CACNA1B: variants seen among roughly 807,000 people sequenced by gnomAD.
CACNA1B encodes the protein voltage-dependent N-type calcium channel subunit alpha-1B.
In CACNA1B, 70 loss-of-function variants were observed where a neutral mutation model predicts 247.2. The ratio of observed to expected loss-of-function variants is 0.28; its 90% confidence interval spans 0.23 to 0.35. CACNA1B has a LOEUF of 0.35. Ranked by LOEUF, CACNA1B falls within the 10% of genes least tolerant of loss-of-function variation. The pLI is 1.00. For missense variants in CACNA1B, 2,367 were observed against 3,197.4 expected, an observed-to-expected ratio of 0.74 and a Z score of 6.26; for synonymous variants, 1,231 against 1,294.4, an observed-to-expected ratio of 0.95 and a Z score of 1.05.
At chr9:137,964,661 G>A (rs1309737050) in intron 10 of CACNA1B, among the ~76,000 whole-genome samples, 14 of 152,150 alleles carry the variant, frequency 9.2e-5, no homozygotes, top group South Asian at 2.1e-4. Context: ...CATAAGTGAA[G>A]TTCATTATTA....
In CACNA1B at chr9:138,013,222, A is replaced by G. The variant is rs561098435; in HGVS notation, c.2254A>G (p.Ile752Val). ...AEVSPMSAAN[I>V]SIAARQQNSA... ...AGTCAGCCCCATGTCTGCCGCGAAC[A>G]TCTCCATCGCCGCGTAAGGCTCCTA... Residue 752 changes from isoleucine (I) to valine (V), a missense_variant, in exon 18 of 47, where the codon ATC becomes GTC. Coordinates refer to ENST00000371372, the MANE Select transcript of CACNA1B (RefSeq NM_000718.4). 69 of 1,598,442 alleles carry G rather than the reference A, an allele frequency of 4.3e-5. 1 individual carries two copies. The highest frequency in any genetic ancestry group is 3.4e-4 in the Middle Eastern group (2 of 5,872).
intron 6 of CACNA1B, among the ~76,000 whole-genome samples, chr9:137,939,467 T>C (rs903422439): frequency 7.9e-5 from 12 of 152,166 alleles, no homozygotes; most frequent in Middle Eastern, 6.8e-3. Context: ...TGAATGATCA[T>C]TGGGTCAAAA....
At chr9:138,013,997 C>T (rs1238869150) in intron 18 of CACNA1B, among the ~76,000 whole-genome samples, 3 of 152,402 alleles carry the variant, frequency 2.0e-5, no homozygotes, top group East Asian at 3.9e-4. Context: ...CCACACCTCC[C>T]ATTCCCCATG....
At chr9:138,117,916 A>G (rs376071032) in intron 42 of CACNA1B, 30 bp from the exon 43 acceptor site, 3 of 1,534,054 alleles carry the variant, frequency 2.0e-6, no homozygotes, top group African/African-American at 1.4e-5. Flanking sequence ...CTCTGACCCT[A>G]CAGGAATCTG....
chr9:138,055,600 G>A (rs570223863), intron 26 of CACNA1B, among the ~76,000 whole-genome samples: 1 of 152,282 alleles, frequency 6.6e-6, no homozygotes, highest in East Asian at 1.9e-4. Flanking sequence ...TTACTTGGAA[G>A]TTGATTTTTA....
intron 5 of CACNA1B, among the ~76,000 whole-genome samples, chr9:137,916,578 C>T (rs1004766727): frequency 1.3e-5 from 2 of 152,202 alleles, no homozygotes; most frequent in African/African-American, 4.8e-5. Context: ...GGTACATGTT[C>T]GGTTGGTTCC....
chr9:137,943,455 G>A (rs1336028087), intron 6 of CACNA1B, among the ~76,000 whole-genome samples: 1 of 152,032 alleles, frequency 6.6e-6, no homozygotes, highest in Non-Finnish European at 1.5e-5. Context: ...AGGCTTTGAG[G>A]TAACCCAAAC....
chr9:138,016,623 G>A (rs1009728960), intron 18 of CACNA1B, among the ~76,000 whole-genome samples: 7 of 152,162 alleles, frequency 4.6e-5, no homozygotes, highest in African/African-American at 1.7e-4. Flanking sequence ...CGCCTCCTTT[G>A]TTAGCCTACG....
chr9:137,951,275 T>C (rs547648342), intron 6 of CACNA1B, among the ~76,000 whole-genome samples: 1 of 152,216 alleles, frequency 6.6e-6, no homozygotes, highest in Non-Finnish European at 1.5e-5. Context: ...CTGGAATCAG[T>C]GTCCAAGGGT....
In CACNA1B at chr9:138,046,926, A is replaced by C. The variant is rs928985388; in HGVS notation, c.3436A>C (p.Ile1146Leu). Residue 1146 changes from isoleucine (I) to leucine (L), a missense_variant, in exon 22 of 47, where the codon ATC becomes CTC. Ile to Leu is a conservative substitution (Grantham distance 5, BLOSUM62 2). Coordinates refer to ENST00000371372, the MANE Select transcript of CACNA1B (RefSeq NM_000718.4). ...CAGGCTCCGCCGCTTCTGCCACTAC[A>C]TCGTGACCATGAGGTACTTCGAGGT... ...TNLLRRFCHY[I>L]VTMRYFEVVI... The C allele has an allele frequency of 1.2e-6, 2 of 1,613,484 alleles. No homozygotes were observed. Among genetic ancestry groups the C allele is most frequent in the Admixed American group, 1.7e-5 (1 of 60,016 alleles).
chr9:137,922,476 G>C (rs1392815002), intron 6 of CACNA1B, among the ~76,000 whole-genome samples: 4 of 152,228 alleles, frequency 2.6e-5, no homozygotes. Context: ...CAAGGAAGAT[G>C]GGAAGCCCGG....
At chr9:137,993,190 C>T (rs977883304) in intron 15 of CACNA1B, among the ~76,000 whole-genome samples, 11 of 151,386 alleles carry the variant, frequency 7.3e-5, no homozygotes, top group African/African-American at 2.2e-4. Flanking sequence ...AAAATCAGAG[C>T]GGAACTAAAT....
At chr9:137,976,723 A>G in intron 12 of CACNA1B, among the ~76,000 whole-genome samples, 1 of 138,284 alleles carries the variant, frequency 7.2e-6, no homozygotes, top group Non-Finnish European at 1.5e-5. Context: ...GAAGCCTTGG[A>G]GGCAGTGTGT....
Position 138,050,175 on chromosome 9 carries a change from C to G in CACNA1B, c.3710+860C>G. 1.0e-6 allele frequency: 1 copy of G among 980,130 alleles called. No homozygotes were observed. Among genetic ancestry groups the G allele is most frequent in the Non-Finnish European group, 1.4e-6 (1 of 706,854 alleles). The allele number at this position is 980,130 out of a possible 1,614,324, so 60.7% of individuals were successfully genotyped here. On this transcript the variant is annotated intron_variant, in intron 24 of 46. Coordinates refer to ENST00000371372, the MANE Select transcript of CACNA1B (RefSeq NM_000718.4). This position sits in a 1 kb window ranked among gnomAD's most constrained non-coding sequence, Gnocchi z 5.2. Reference sequence around the variant, plus strand: ...GTCATTTCATCTCCAGCCTCACCCCCCGCCCATCCACTTTCACCCCATCGG... The same window carrying G: ...GTCATTTCATCTCCAGCCTCACCCCGCGCCCATCCACTTTCACCCCATCGG...
chr9:137,915,195 C>A (rs1176582742), intron 5 of CACNA1B, among the ~76,000 whole-genome samples: 1 of 152,138 alleles, frequency 6.6e-6, no homozygotes. Flanking sequence ...GGTGCAAAGG[C>A]CTATGGTGCG....
chr9:138,028,943 G>A (rs1001944577), intron 20 of CACNA1B, among the ~76,000 whole-genome samples: 7 of 152,210 alleles, frequency 4.6e-5, no homozygotes, highest in East Asian at 1.9e-4. Flanking sequence ...TGACTTAAAT[G>A]TAGGCTCAGT....
In CACNA1B at chr9:138,090,114, G is replaced by A. The variant is rs539150251; in HGVS notation, c.5095-6370G>A. ...TTAATACAGAACCACAAAAGACCCT[G>A]GATAGCTTAAATAATCTTGAGCAAC... is the stretch of plus-strand genomic sequence containing the variant. On this transcript the variant is annotated intron_variant, in intron 36 of 46. Coordinates refer to ENST00000371372, the MANE Select transcript of CACNA1B (RefSeq NM_000718.4). Among the ~76,000 whole-genome samples, 10 of 152,188 alleles carry A rather than the reference G, an allele frequency of 6.6e-5. No homozygotes were observed. The East Asian group carries it at 1.3e-3, about 21-fold the overall frequency.
chr9:138,042,156 T>A (rs951886012), intron 20 of CACNA1B, among the ~76,000 whole-genome samples: 9 of 152,334 alleles, frequency 5.9e-5, no homozygotes, highest in African/African-American at 2.2e-4. Flanking sequence ...CATTTTATAA[T>A]TTTTGTTATT....
chr9:137,908,756 G>T (rs1347584637), intron 3 of CACNA1B, among the ~76,000 whole-genome samples: 1 of 150,552 alleles, frequency 6.6e-6, no homozygotes. Flanking sequence ...TCAGCCTTCC[G>T]AGTAGCTGGG....
Sources: allele counts gnomAD v4.1 joint callset (sites outside exome capture counted in the v4.1 genomes callset), GRCh38; gene constraint gnomAD v4.1.1; non-coding constraint Gnocchi (gnomAD v3.1); transcripts MANE v1.5; gene names NCBI Gene and HGNC (gene_info 2026-07-23, HGNC 2026-07-21).